The following CSMD1 variants were observed in gnomAD, a reference collection of about 807,000 sequenced individuals.
The protein encoded by CSMD1 is CUB and Sushi multiple domains 1.
A neutral mutation model predicts 417.5 loss-of-function variants in CSMD1; 213 were observed. The observed-to-expected ratio is 0.51, with a 90% CI of 0.46 to 0.57. CSMD1 has a LOEUF of 0.57. CSMD1 is among the 20% of genes least tolerant of loss of function. CSMD1 has a pLI of 0.00. For synonymous variants in CSMD1, 2,862 were observed against 1,736.8 expected (o/e 1.65, Z -16.11); for missense variants, 6,923 against 4,529.7 (o/e 1.53, Z -15.17).
intron 63 of CSMD1, among the ~76,000 whole-genome samples, chr8:2,956,008 T>C (rs10094862): frequency 0.084 from 12,715 of 152,058 alleles, 1,689 homozygotes; most frequent in African/African-American, 0.29. Flanking sequence ...CCCAAAGTAC[T>C]GGGATTACAG....
At chr8:3,368,223 T>A (rs1465237245) in intron 19 of CSMD1, among the ~76,000 whole-genome samples, 1 of 152,248 alleles carries the variant, frequency 6.6e-6, no homozygotes, top group Non-Finnish European at 1.5e-5. Flanking sequence ...GGCAGCATAG[T>A]GCCACACAGT....
intron 5 of CSMD1, among the ~76,000 whole-genome samples, chr8:3,850,041 C>T (rs1262818686): frequency 6.6e-6 from 1 of 152,130 alleles, no homozygotes; most frequent in Non-Finnish European, 1.5e-5. Context: ...GGTGATCCAC[C>T]AGCCTCAGCC....
At chr8:4,009,610 G>C (rs1048804533) in intron 4 of CSMD1, among the ~76,000 whole-genome samples, 6 of 152,076 alleles carry the variant, frequency 3.9e-5, no homozygotes, top group African/African-American at 1.2e-4. Context: ...AATTGCATGG[G>C]GAAATATCCA....
intron 3 of CSMD1, among the ~76,000 whole-genome samples, chr8:4,188,211 A>G (rs1410715381): frequency 1.3e-5 from 2 of 152,132 alleles, no homozygotes; most frequent in African/African-American, 4.8e-5. Flanking sequence ...ACAATTTTAC[A>G]TGATGTAAAA....
chr8:3,634,511 C>T (rs922857386), intron 7 of CSMD1, among the ~76,000 whole-genome samples: 11 of 152,154 alleles, frequency 7.2e-5, no homozygotes, highest in African/African-American at 2.2e-4. Context: ...TGCTGTCTCC[C>T]GGACTCTGCC....
intron 3 of CSMD1, among the ~76,000 whole-genome samples, chr8:4,199,217 CCT>C (rs869048688): frequency 6.9e-6 from 1 of 145,002 alleles, no homozygotes; most frequent in South Asian, 2.3e-4. Context: ...TACCAAATAT[CCT>C]CTTGAGGTTA....
intron 1 of CSMD1, among the ~76,000 whole-genome samples, chr8:4,845,389 G>A (rs1801082703): frequency 6.6e-6 from 1 of 152,182 alleles, no homozygotes; most frequent in South Asian, 2.1e-4. Flanking sequence ...GGATGATCCT[G>A]TTTACAAGTG....
chr8:3,083,006 T>A (rs1165721955), intron 49 of CSMD1, among the ~76,000 whole-genome samples: 1 of 152,182 alleles, frequency 6.6e-6, no homozygotes, highest in South Asian at 2.1e-4. Context: ...TTAGCTGGGG[T>A]TTTTGAAAAT....
At chr8:3,338,928 G>A (rs973873468) in intron 23 of CSMD1, among the ~76,000 whole-genome samples, 5 of 150,998 alleles carry the variant, frequency 3.3e-5, no homozygotes, top group African/African-American at 4.9e-5. Context: ...CTGGTGCGCT[G>A]CACCCACTAA....
chr8:3,904,990 C>A (rs902935233), intron 5 of CSMD1, among the ~76,000 whole-genome samples: 9 of 152,150 alleles, frequency 5.9e-5, no homozygotes, highest in African/African-American at 2.2e-4. Flanking sequence ...GAAGAAGTAC[C>A]AAGTTACAAA....
intron 23 of CSMD1, among the ~76,000 whole-genome samples, chr8:3,341,998 G>C (rs1223778723): frequency 1.3e-5 from 2 of 152,106 alleles, no homozygotes; most frequent in African/African-American, 4.8e-5. Flanking sequence ...ATTTCTGAGA[G>C]GGAAATCCTG....
chr8:3,809,409 C>G (rs940985088), intron 5 of CSMD1, among the ~76,000 whole-genome samples: 3 of 152,164 alleles, frequency 2.0e-5, no homozygotes, highest in Admixed American at 2.0e-4. Flanking sequence ...GGACTGTAAA[C>G]CTTTGTTTCC....
At chr8:4,366,078 C>G (rs1054501484) in intron 3 of CSMD1, among the ~76,000 whole-genome samples, 12 of 152,106 alleles carry the variant, frequency 7.9e-5, no homozygotes, top group Non-Finnish European at 1.3e-4. Context: ...ATGAGCCTCT[C>G]CTACCCTCCC....
At chr8:4,063,597 G>C (rs1585234038) in intron 3 of CSMD1, among the ~76,000 whole-genome samples, 1 of 152,178 alleles carries the variant, frequency 6.6e-6, no homozygotes. Flanking sequence ...CTGACAAGGT[G>C]CCACGTACGT....
At chr8:3,719,123 T>G (rs550764770) in intron 6 of CSMD1, among the ~76,000 whole-genome samples, 1 of 152,180 alleles carries the variant, frequency 6.6e-6, no homozygotes, top group Non-Finnish European at 1.5e-5. Context: ...AGATTTTGTG[T>G]CCTGTTCTAT....
intron 5 of CSMD1, among the ~76,000 whole-genome samples, chr8:3,791,926 T>A (rs915831295): frequency 6.6e-6 from 1 of 152,190 alleles, no homozygotes; most frequent in Non-Finnish European, 1.5e-5. Flanking sequence ...AAAACCTCAA[T>A]AGCGTTTGCA....
intron 10 of CSMD1, among the ~76,000 whole-genome samples, chr8:3,542,928 C>G (rs550490074): frequency 6.6e-6 from 1 of 151,048 alleles, no homozygotes; most frequent in South Asian, 2.1e-4. Flanking sequence ...CCAGGCAGCT[C>G]TCCTGAGACT....
chr8:4,316,174 T>C (rs1259360707), intron 3 of CSMD1, among the ~76,000 whole-genome samples: 1 of 152,164 alleles, frequency 6.6e-6, no homozygotes. Flanking sequence ...TTATGTAGAT[T>C]AGCTAAATTT....
intron 10 of CSMD1, among the ~76,000 whole-genome samples, chr8:3,574,218 G>C (rs1800053906): frequency 6.6e-6 from 1 of 152,138 alleles, no homozygotes; most frequent in Non-Finnish European, 1.5e-5. Context: ...ATGAACTGTA[G>C]AAAACAATTC....
Sources: gnomAD v4.1 joint callset for allele counts (sites outside exome capture counted in the v4.1 genomes callset) on GRCh38, gnomAD v4.1.1 for gene constraint, MANE v1.5 for transcripts, NCBI Gene and HGNC (gene_info 2026-07-23, HGNC 2026-07-21) for gene names.